The following DSCAM variants were observed in gnomAD, a reference collection of about 807,000 sequenced individuals.
The protein encoded by DSCAM is DS cell adhesion molecule.
A neutral mutation model predicts 217.7 loss-of-function variants in DSCAM; 47 were observed. That is an observed-to-expected ratio of 0.22 (90% CI 0.17 to 0.28). The LOEUF (loss-of-function observed/expected upper bound fraction) is 0.28, where lower values mean the gene tolerates loss of function less well. Ranked by LOEUF, DSCAM falls within the 10% of genes least tolerant of loss-of-function variation. DSCAM has a pLI of 1.00. For synonymous variants in DSCAM, 1,056 were observed against 1,015.3 expected (o/e 1.04, Z -0.76); for missense variants, 2,080 against 2,618.3 (o/e 0.79, Z 4.49).
rs1053281271 is a variant in DSCAM, at chr21:40,842,015, G to C, written c.43+4604C>G. On this transcript the variant is annotated intron_variant, in intron 1 of 32. Transcript: ENST00000400454. ...GCAGTGAACTTGAGAGATCGTGGGG[G>C]AGGCGTCTTCAGAAGAAAGCCCCTG... 2.0e-5 allele frequency among the ~76,000 whole-genome samples: 3 copies of C among 152,224 alleles called. No individual in the cohort carries two copies. In the East Asian group the frequency reaches 5.8e-4, roughly 29 times the overall value.
At chr21:40,033,182 C>T (rs2088561342) in intron 32 of DSCAM, among the ~76,000 whole-genome samples, 1 of 152,200 alleles carries the variant, frequency 6.6e-6, no homozygotes, top group African/African-American at 2.4e-5. Context: ...CCAAGATGGC[C>T]GAATAGGAAC....
At chr21:40,074,506 G>T (rs1237847378) in intron 27 of DSCAM, among the ~76,000 whole-genome samples, 1 of 152,176 alleles carries the variant, frequency 6.6e-6, no homozygotes, top group African/African-American at 2.4e-5. Context: ...AGCTCATCTG[G>T]CCTGGCTTCT....
At chr21:40,817,742 T>C (rs2123573404) in intron 1 of DSCAM, among the ~76,000 whole-genome samples, 1 of 152,310 alleles carries the variant, frequency 6.6e-6, no homozygotes, top group African/African-American at 2.4e-5. Context: ...CAATTTGTCA[T>C]CATTTATATG....
intron 3 of DSCAM, among the ~76,000 whole-genome samples, chr21:40,548,513 A>AATAT (rs56133970): frequency 3.4e-4 from 51 of 150,402 alleles, no homozygotes; most frequent in Non-Finnish European, 3.5e-4. Context: ...TAAAAAAAAA[A>AATAT]ATATATATAT....
intron 3 of DSCAM, among the ~76,000 whole-genome samples, chr21:40,537,486 T>C (rs11700570): frequency 0.13 from 19,690 of 152,066 alleles, 2,790 homozygotes; most frequent in African/African-American, 0.35. Context: ...GGAATTATAT[T>C]CCCCACCCCC....
At chr21:40,769,055 G>A (rs1367716197) in intron 1 of DSCAM, among the ~76,000 whole-genome samples, 1 of 152,166 alleles carries the variant, frequency 6.6e-6, no homozygotes, top group Admixed American at 6.5e-5. Flanking sequence ...GGGGATGTCT[G>A]CTCCTATTAA....
intron 4 of DSCAM, among the ~76,000 whole-genome samples, chr21:40,361,134 T>C (rs2074759138): frequency 6.6e-6 from 1 of 151,160 alleles, no homozygotes; most frequent in South Asian, 2.1e-4. Flanking sequence ...AACTTTTATA[T>C]ATATATATAT....
At chr21:40,237,078 T>C (rs890859713) in intron 11 of DSCAM, among the ~76,000 whole-genome samples, 13 of 152,222 alleles carry the variant, frequency 8.5e-5, no homozygotes, top group Non-Finnish European at 8.8e-5. Context: ...TAGGAGGTTG[T>C]AGACATTTCC....
At chr21:40,668,979 T>C (rs1459201975) in intron 3 of DSCAM, among the ~76,000 whole-genome samples, 1 of 152,300 alleles carries the variant, frequency 6.6e-6, no homozygotes, top group African/African-American at 2.4e-5. Flanking sequence ...ATCACCTCCG[T>C]GCCAAACACA....
At chr21:40,771,893 G>A (rs927430478) in intron 1 of DSCAM, among the ~76,000 whole-genome samples, 2 of 151,318 alleles carry the variant, frequency 1.3e-5, no homozygotes, top group Non-Finnish European at 2.9e-5. Context: ...TGCGTATGTC[G>A]CATACAATGA....
chr21:40,735,885 C>G (rs148391194), intron 1 of DSCAM, among the ~76,000 whole-genome samples: 5 of 152,116 alleles, frequency 3.3e-5, no homozygotes, highest in Admixed American at 2.0e-4. Flanking sequence ...CACTCACTAC[C>G]CAGAGGTAGT....
intron 1 of DSCAM, among the ~76,000 whole-genome samples, chr21:40,775,721 C>T (rs2091482032): frequency 6.6e-6 from 1 of 152,168 alleles, no homozygotes; most frequent in Non-Finnish European, 1.5e-5. Context: ...GACTGAGAGA[C>T]ACATCGTCGG....
At chr21:40,464,838 C>A (rs973703017) in intron 3 of DSCAM, among the ~76,000 whole-genome samples, 1 of 151,458 alleles carries the variant, frequency 6.6e-6, no homozygotes. Flanking sequence ...CCTCCCAGAT[C>A]CATGCAATTC....
At chr21:40,726,050 A>G (rs966936107) in intron 1 of DSCAM, among the ~76,000 whole-genome samples, 1 of 152,222 alleles carries the variant, frequency 6.6e-6, no homozygotes, top group African/African-American at 2.4e-5. Flanking sequence ...TGTGAACGAT[A>G]ACAGAACAAC....
intron 3 of DSCAM, among the ~76,000 whole-genome samples, chr21:40,518,671 T>C (rs978188792): frequency 7.2e-6 from 1 of 138,142 alleles, no homozygotes; most frequent in Admixed American, 7.7e-5. Flanking sequence ...TATATGTGTA[T>C]GTGTGTGTAT....
chr21:40,166,336 G>A (rs1045531833), intron 16 of DSCAM, among the ~76,000 whole-genome samples: 12 of 152,172 alleles, frequency 7.9e-5, no homozygotes, highest in Admixed American at 3.9e-4. Flanking sequence ...AATTCAGAGC[G>A]GGGATAGTTA....
chr21:40,335,339 C>T (rs2074419305), intron 8 of DSCAM, among the ~76,000 whole-genome samples: 1 of 152,088 alleles, frequency 6.6e-6, no homozygotes, highest in Admixed American at 6.5e-5. Flanking sequence ...AGAAAAGAAG[C>T]TCCTGAAGAA....
intron 16 of DSCAM, among the ~76,000 whole-genome samples, chr21:40,156,325 GAGAGAGAGAGAGAGAA>G: frequency 2.0e-5 from 3 of 146,614 alleles, no homozygotes; most frequent in African/African-American, 5.1e-5. Context: ...GAGAGAGAGA[GAGAGAGAGAGAGAGAA>G]AGGGGCTTGT....
rs768636928 is a variant in DSCAM, at chr21:40,338,062, T to C, written c.1783+39A>G. 7 of 1,602,802 alleles carry C rather than the reference T, an allele frequency of 4.4e-6. No homozygotes were observed. In the East Asian group the frequency reaches 1.1e-4, roughly 26 times the overall value. ...ATTGGTCTGGGAAGTAGTCGGGCTA[T>C]GGAATGAGTTGTGTGGGAACCAGGA... On this transcript the variant is annotated intron_variant, in intron 8 of 32. Transcript: ENST00000400454.
Sources: allele counts gnomAD v4.1 joint callset (sites outside exome capture counted in the v4.1 genomes callset), GRCh38; gene constraint gnomAD v4.1.1; transcripts MANE v1.5; gene names NCBI Gene and HGNC (gene_info 2026-07-23, HGNC 2026-07-21).